The following DCT variants were observed in gnomAD, a reference collection of about 807,000 sequenced individuals.
DCT encodes L-dopachrome tautomerase.
A neutral mutation model predicts 53.0 loss-of-function variants in DCT; 47 were observed. The observed-to-expected ratio is 0.89, with a 90% CI of 0.70 to 1.13. DCT has a LOEUF of 1.13. DCT is among the 50% of genes most tolerant of loss of function. The probability of loss-of-function intolerance (pLI) is 0.00; values close to 1 mark genes in which losing one functional copy is unlikely to be tolerated. For missense variants in DCT, 669 were observed against 637.4 expected (o/e 1.05, Z -0.53); for synonymous variants, 244 against 237.0 (o/e 1.03, Z -0.27).
the DCT span, among the ~76,000 whole-genome samples, chr13:94,513,063 T>C: frequency 6.6e-6 from 1 of 152,236 alleles, no homozygotes; most frequent in African/African-American, 2.4e-5. Flanking sequence ...GTCAAAGTCT[T>C]ACCCATGTAT....
At chr13:94,534,424 C>T in the DCT span, among the ~76,000 whole-genome samples, 1 of 152,212 alleles carries the variant, frequency 6.6e-6, no homozygotes, top group African/African-American at 2.4e-5. Flanking sequence ...TTTGCCAAGG[C>T]ATTCAACTTA....
the DCT span, among the ~76,000 whole-genome samples, chr13:94,511,622 A>C: frequency 1.3e-5 from 2 of 152,032 alleles, no homozygotes; most frequent in African/African-American, 2.4e-5. Context: ...GCCCTCCCAA[A>C]GTGCTAGGAT....
chr13:94,454,252 AC>A (rs974852234), intron 6 of DCT, among the ~76,000 whole-genome samples: 3 of 151,988 alleles, frequency 2.0e-5, no homozygotes, highest in African/African-American at 4.8e-5. Flanking sequence ...GAACCTATGG[AC>A]CCCCCAGCCA....
upstream of DCT, among the ~76,000 whole-genome samples, chr13:94,482,120 C>A (rs1010437476): frequency 1.3e-5 from 2 of 152,154 alleles, no homozygotes; most frequent in African/African-American, 4.8e-5. Flanking sequence ...GGGGAGAGTC[C>A]GGCTGTGAGG....
the DCT span, among the ~76,000 whole-genome samples, chr13:94,523,525 T>C: frequency 6.6e-6 from 1 of 152,196 alleles, no homozygotes; most frequent in African/African-American, 2.4e-5. Context: ...CTATTAAATG[T>C]TTCTTTCTAA....
the DCT span, among the ~76,000 whole-genome samples, chr13:94,487,366 A>G: frequency 2.6e-5 from 4 of 152,332 alleles, no homozygotes; most frequent in East Asian, 7.7e-4. Flanking sequence ...TGTTCTGCAT[A>G]CTTTCATTTT....
chr13:94,536,350 A>G, the DCT span, among the ~76,000 whole-genome samples: 1 of 152,270 alleles, frequency 6.6e-6, no homozygotes, highest in East Asian at 1.9e-4. Context: ...CCTCCCAAAC[A>G]TGCCTGCTAA....
chr13:94,512,065 C>T, the DCT span, among the ~76,000 whole-genome samples: 5 of 152,080 alleles, frequency 3.3e-5, no homozygotes, highest in African/African-American at 1.2e-4. Flanking sequence ...TCCCACTAGA[C>T]CATAAGGCTT....
chr13:94,439,065 T>G lies in DCT; in HGVS notation c.*833A>C, dbSNP rs971901438. 5.1e-5 allele frequency: 9 copies of G among 176,684 alleles called. No homozygotes were observed. Among genetic ancestry groups the G allele is most frequent in the African/African-American group, 1.7e-4 (7 of 41,924 alleles). 10.9% of individuals were successfully genotyped at this position (176,684 alleles called of 1,614,324 possible). ...GTCAGCCTTCCTTGGAAAGAGTAAT[T>G]CTGTATTTGTTAATAGGTTTACAGT... On this transcript the variant is annotated 3_prime_UTR_variant, in exon 8 of 8. Transcript: ENST00000377028.
At chr13:94,518,105 G>A in the DCT span, among the ~76,000 whole-genome samples, 1 of 120,652 alleles carries the variant, frequency 8.3e-6, no homozygotes. Context: ...GAAGGGAAAC[G>A]AAGGGAAGGA....
the DCT span, among the ~76,000 whole-genome samples, chr13:94,494,705 A>T: frequency 6.6e-6 from 1 of 152,220 alleles, no homozygotes; most frequent in African/African-American, 2.4e-5. Context: ...AAGAAACAGA[A>T]GCAGAAAGTA....
the DCT span, among the ~76,000 whole-genome samples, chr13:94,518,243 A>C: frequency 1.3e-5 from 2 of 152,140 alleles, no homozygotes; most frequent in African/African-American, 4.8e-5. Context: ...TTAAAAAAAA[A>C]CAATTATACA....
At chr13:94,508,233 ATTAT>A in the DCT span, among the ~76,000 whole-genome samples, 2 of 152,204 alleles carry the variant, frequency 1.3e-5, no homozygotes, top group African/African-American at 4.8e-5. Flanking sequence ...CACTTTATAG[ATTAT>A]TTATTTTATT....
intron 7 of DCT, 74 bp downstream of exon 7, chr13:94,443,362 T>A: frequency 8.1e-7 from 1 of 1,241,338 alleles, no homozygotes; most frequent in Non-Finnish European, 1.2e-6. Context: ...GTTTACATTA[T>A]AAAGAAAGAA....
chr13:94,483,805 A>G (rs1295045543), upstream of DCT, among the ~76,000 whole-genome samples: 3 of 152,132 alleles, frequency 2.0e-5, no homozygotes, highest in Middle Eastern at 3.2e-3. Context: ...TGCCCGGCCC[A>G]TATGACTTAG....
rs1347524655 is a variant in DCT at position 94,437,755 on chromosome 13, T to C, written c.*2143A>G. On this transcript the variant is annotated 3_prime_UTR_variant, in exon 8 of 8. Coordinates refer to ENST00000377028, the MANE Select transcript of DCT (RefSeq NM_001922.5). ...ATATTTGTTAAAATGCATTCATAAT[T>C]GATTTATTGTAAGGTCAGAAAATGC... The C allele has an allele frequency of 6.6e-6, 1 of 152,244 alleles. No homozygotes were observed. The highest frequency in any genetic ancestry group is 1.5e-5 in the Non-Finnish European group (1 of 68,036). 9.4% of individuals were successfully genotyped at this position (152,244 alleles called of 1,614,324 possible). A position where few individuals can be genotyped will look rare whatever the true frequency, so the allele number is the denominator to read the frequency against.
chr13:94,538,749 G>C, the DCT span, among the ~76,000 whole-genome samples: 1 of 152,164 alleles, frequency 6.6e-6, no homozygotes, highest in African/African-American at 2.4e-5. Context: ...AGTCTCTCTT[G>C]TTGCAGTTTC....
chr13:94,520,009 G>A, the DCT span, among the ~76,000 whole-genome samples: 1 of 152,130 alleles, frequency 6.6e-6, no homozygotes, highest in East Asian at 1.9e-4. Flanking sequence ...AGGTCAAGAA[G>A]GGTCAAACAG....
At position 94,439,857 on chromosome 13, in the gene DCT, TG is replaced by T. The variant is rs775786975; in HGVS notation, c.*40del. Reference sequence around the variant, plus strand: ...TCCTTTATTGTCAGCGTCAGAACTGTGGCTTGGCCAGCCTCTTCTCTTAGGT... The same window carrying T: ...TCCTTTATTGTCAGCGTCAGAACTGTGCTTGGCCAGCCTCTTCTCTTAGGT... On this transcript the variant is annotated 3_prime_UTR_variant, in exon 8 of 8. Transcript: ENST00000377028. 4.6e-6 allele frequency: 7 copies of T among 1,509,506 alleles called. No homozygotes were observed. Among genetic ancestry groups the T allele is most frequent in the Non-Finnish European group, 6.3e-6 (7 of 1,103,622 alleles). 93.5% of individuals were successfully genotyped at this position (1,509,506 alleles called of 1,614,324 possible). A position where few individuals can be genotyped will look rare whatever the true frequency, so the allele number is the denominator to read the frequency against.
Sources: allele counts gnomAD v4.1 joint callset (sites outside exome capture counted in the v4.1 genomes callset), GRCh38; gene constraint gnomAD v4.1.1; transcripts MANE v1.5; gene names NCBI Gene and HGNC (gene_info 2026-07-23, HGNC 2026-07-21).